Variants in CDH8 observed in about 807,000 individuals in gnomAD.
CDH8 encodes the protein cadherin-8.
A neutral mutation model predicts 68.1 loss-of-function variants in CDH8; 17 were observed. That is an observed-to-expected ratio of 0.25 (90% CI 0.17 to 0.37). The LOEUF is 0.37. CDH8 is among the 10% of genes least tolerant of loss of function. CDH8 has a pLI of 1.00. For missense variants in CDH8, 763 were observed against 999.3 expected, an observed-to-expected ratio of 0.76 and a Z score of 3.19; for synonymous variants, 372 against 365.1, an observed-to-expected ratio of 1.02 and a Z score of -0.21.
intron 2 of CDH8, among the ~76,000 whole-genome samples, chr16:62,010,642 C>A (rs986930688): frequency 6.6e-6 from 1 of 152,068 alleles, no homozygotes; most frequent in African/African-American, 2.4e-5. Context: ...TACTTAAAAT[C>A]TCTTTTTCTC....
At chr16:61,859,257 G>A (rs1393861927) in intron 3 of CDH8, among the ~76,000 whole-genome samples, 1 of 152,138 alleles carries the variant, frequency 6.6e-6, no homozygotes, top group Non-Finnish European at 1.5e-5. Flanking sequence ...GAGTACAATA[G>A]TTGTAGCTAT....
chr16:61,918,826 G>A (rs1056336281), intron 2 of CDH8: 11 of 151,446 alleles, frequency 7.3e-5, no homozygotes, highest in East Asian at 4.0e-4. Context: ...AGCTCAAGGA[G>A]GCCTGCCTGC....
chr16:61,774,566 G>T (rs773798090), intron 8 of CDH8, among the ~76,000 whole-genome samples: 10 of 151,342 alleles, frequency 6.6e-5, no homozygotes, highest in Non-Finnish European at 1.5e-4. Context: ...TTTAAAAAAA[G>T]ATCCTCCCTG....
intron 2 of CDH8, among the ~76,000 whole-genome samples, chr16:61,983,722 A>T (rs1965576152): frequency 6.6e-6 from 1 of 152,158 alleles, no homozygotes; most frequent in Non-Finnish European, 1.5e-5. Flanking sequence ...CATAGAAAGG[A>T]TGGCTTAAAC....
intron 9 of CDH8, among the ~76,000 whole-genome samples, chr16:61,721,816 T>C (rs186758624): frequency 8.9e-4 from 134 of 150,960 alleles, no homozygotes; most frequent in Admixed American, 1.5e-3. Context: ...GACTTTAAAA[T>C]TCATTTTTGC....
chr16:61,752,588 C>T (rs1960196430), intron 8 of CDH8, among the ~76,000 whole-genome samples: 1 of 152,166 alleles, frequency 6.6e-6, no homozygotes, highest in African/African-American at 2.4e-5. Context: ...TATCTGCAAG[C>T]ATTCTGTGTG....
chr16:61,939,499 C>A (rs1964678849), intron 2 of CDH8, among the ~76,000 whole-genome samples: 1 of 152,144 alleles, frequency 6.6e-6, no homozygotes, highest in Non-Finnish European at 1.5e-5. Context: ...CACCAGGTGA[C>A]TTTTACTGCG....
intron 10 of CDH8, among the ~76,000 whole-genome samples, chr16:61,661,040 T>C (rs1963546885): frequency 6.6e-6 from 1 of 152,010 alleles, no homozygotes; most frequent in African/African-American, 2.4e-5. Context: ...TATAAATGCA[T>C]AGTTTTTCTC....
At chr16:62,023,881 T>G in intron 1 of CDH8, among the ~76,000 whole-genome samples, 1 of 152,196 alleles carries the variant, frequency 6.6e-6, no homozygotes, top group East Asian at 1.9e-4. Context: ...AAGCCATGTA[T>G]GTTATTCTCC....
At chr16:61,856,952 TC>T (rs1963058103) in intron 4 of CDH8, among the ~76,000 whole-genome samples, 166 bp downstream of exon 4, 1 of 152,192 alleles carries the variant, frequency 6.6e-6, no homozygotes, top group Non-Finnish European at 1.5e-5. Context: ...GTAATCAGCA[TC>T]AAAAATGGTT....
intron 2 of CDH8, among the ~76,000 whole-genome samples, chr16:61,948,424 A>G (rs1964835186): frequency 6.6e-6 from 1 of 152,174 alleles, no homozygotes; most frequent in African/African-American, 2.4e-5. Flanking sequence ...ATCTTTCAAT[A>G]TGTAACCAGA....
intron 1 of CDH8, among the ~76,000 whole-genome samples, chr16:62,035,863 G>C (rs1902444746): frequency 6.6e-6 from 1 of 152,204 alleles, no homozygotes; most frequent in Admixed American, 6.5e-5. Context: ...TGCAAAAACA[G>C]TCAGGCAAAA....
intron 10 of CDH8, among the ~76,000 whole-genome samples, chr16:61,680,288 A>AGT (rs992143328): frequency 6.6e-6 from 1 of 151,978 alleles, no homozygotes; most frequent in Non-Finnish European, 1.5e-5. Flanking sequence ...GTATCAATCT[A>AGT]GTCCATTAAA....
intron 2 of CDH8, among the ~76,000 whole-genome samples, chr16:62,018,276 C>G (rs957711497): frequency 4.6e-5 from 7 of 152,132 alleles, no homozygotes; most frequent in African/African-American, 1.4e-4. Context: ...ATATGTGAAG[C>G]TCTGAAGAAC....
intron 8 of CDH8, among the ~76,000 whole-genome samples, chr16:61,774,467 A>C (rs911978067): frequency 2.6e-5 from 4 of 151,762 alleles, no homozygotes; most frequent in African/African-American, 9.7e-5. Flanking sequence ...GGGAAAAAAA[A>C]AAAAAAAAAA....
intron 2 of CDH8, among the ~76,000 whole-genome samples, chr16:62,001,172 C>A (rs1326918216): frequency 6.6e-6 from 1 of 152,144 alleles, no homozygotes; most frequent in Non-Finnish European, 1.5e-5. Flanking sequence ...ACAAAGCCGA[C>A]TGGAAGAACA....
At chr16:61,695,577 T>C (rs1964309353) in intron 10 of CDH8, among the ~76,000 whole-genome samples, 1 of 152,148 alleles carries the variant, frequency 6.6e-6, no homozygotes, top group Admixed American at 6.5e-5. Context: ...AATCCCTAGA[T>C]GCCAGTAACT....
At chr16:61,759,373 G>C (rs974211684) in intron 8 of CDH8, among the ~76,000 whole-genome samples, 1 of 151,420 alleles carries the variant, frequency 6.6e-6, no homozygotes, top group African/African-American at 2.4e-5. Context: ...AGGAGGAGGA[G>C]GAAGAAGAGG....
At chr16:61,705,752 T>C (rs1322496195) in intron 10 of CDH8, among the ~76,000 whole-genome samples, 1 of 110,520 alleles carries the variant, frequency 9.0e-6, no homozygotes, top group African/African-American at 4.1e-5. Flanking sequence ...AGGAGGAAAC[T>C]TTGTTTGTGA....
Sources: gnomAD v4.1 joint callset for allele counts (sites outside exome capture counted in the v4.1 genomes callset) on GRCh38, gnomAD v4.1.1 for gene constraint, MANE v1.5 for transcripts, NCBI Gene and HGNC (gene_info 2026-07-23, HGNC 2026-07-21) for gene names.